The following PDK2 variants were observed in gnomAD, a reference collection of about 807,000 sequenced individuals.
PDK2 encodes the protein pyruvate dehydrogenase kinase, isozyme 2.
PDK2 carries 34 observed loss-of-function variants against 50.4 expected under a neutral mutation model. The ratio of observed to expected loss-of-function variants is 0.68; its 90% CI spans 0.51 to 0.90. The LOEUF is 0.90. Among genes scored for constraint, PDK2 ranks in the 40% least tolerant of loss-of-function variants. The pLI is 0.00. For missense variants in PDK2, 377 were observed against 544.5 expected (o/e 0.69, Z 3.06); for synonymous variants, 232 against 216.0 (o/e 1.07, Z -0.65).
At position 50,101,476 on chromosome 17, in the gene PDK2, G is replaced by A. The variant is rs1236221372; in HGVS notation, c.261-3895G>A. On this transcript the variant is annotated intron_variant, in intron 2 of 10. Transcript: ENST00000503176. This position sits in a 1 kb window ranked among gnomAD's most constrained non-coding sequence, Gnocchi z 4.2. ...TCAGAGGCTCCGGAGGCGGGACACC[G>A]CCACCTCTCCCCCAAGTGCAGCGAG... is the stretch of plus-strand genomic sequence containing the variant. 2.6e-5 allele frequency among the ~76,000 whole-genome samples: 4 copies of A among 152,100 alleles called. No homozygotes were observed. The highest frequency in any genetic ancestry group is 5.9e-5 in the Non-Finnish European group (4 of 67,994).
chr17:50,106,133 G>T (rs140747393), intron 4 of PDK2, 64 bp downstream of exon 4: 1 of 1,548,904 alleles, frequency 6.5e-7, no homozygotes, highest in Non-Finnish European at 8.7e-7. Context: ...GCCCAGGGCC[G>T]GGCTGCTGAG....
rs1910650182 is a variant in PDK2 at position 50,108,698 on chromosome 17, T to C, written c.948T>C (p.Pro316=). 1 of 1,611,938 alleles carries C rather than the reference T, an allele frequency of 6.2e-7. No individual in the cohort carries two copies. Among genetic ancestry groups the C allele is most frequent in the East Asian group, 2.2e-5 (1 of 44,838 alleles). The stretch of plus-strand genomic sequence containing the variant: ...ACTCCACAGCACCCACCCCCCAGCC[T>C]GGCACCGGGGGAACGCCGCTGGTGA... ...YMYSTAPTPQ[P]GTGGTPLAGF... is the part of the protein sequence containing the mutation. The change falls in exon 9 of 11, where the codon CCT becomes CCC. Residue 316 remains proline (P), a synonymous_variant. Coordinates refer to ENST00000503176, the MANE Select transcript of PDK2 (RefSeq NM_002611.5).
In PDK2 at chr17:50,101,713, C is replaced by T. The variant is rs1910240933; in HGVS notation, c.261-3658C>T. On this transcript the variant is annotated intron_variant, in intron 2 of 10. Coordinates refer to ENST00000503176, the MANE Select transcript of PDK2 (RefSeq NM_002611.5). This position sits in a 1 kb window ranked among gnomAD's most constrained non-coding sequence, Gnocchi z 4.2. ...ACTCACTCACCCTCTCCTCCCGCCCCCACCGCCCATTATCAGCCCCACACT... is the reference window on the plus strand; with the variant it reads ...ACTCACTCACCCTCTCCTCCCGCCCTCACCGCCCATTATCAGCCCCACACT... 1 of 152,454 alleles carries T rather than the reference C, an allele frequency of 6.6e-6. No homozygotes were observed. The highest frequency in any genetic ancestry group is 2.4e-5 in the African/African-American group (1 of 41,450). The allele number at this position is 152,454 out of a possible 1,614,324, so 9.4% of individuals were successfully genotyped here. A position where few individuals can be genotyped will look rare whatever the true frequency, so the allele number is the denominator to read the frequency against.
At chr17:50,098,699 A>G (rs532345073) in intron 2 of PDK2, 4 of 152,134 alleles carry the variant, frequency 2.6e-5, no homozygotes, top group African/African-American at 9.6e-5. Flanking sequence ...CTATGCATGG[A>G]CCTGTGGATA....
At chr17:50,099,589 C>G (rs986144183) in intron 2 of PDK2, among the ~76,000 whole-genome samples, 14 of 152,052 alleles carry the variant, frequency 9.2e-5, no homozygotes, top group African/African-American at 3.4e-4. Flanking sequence ...GTCAGGAGAT[C>G]GAGACCATCC....
At chr17:50,103,384 G>A (rs188932372) in intron 2 of PDK2, among the ~76,000 whole-genome samples, 55 of 152,320 alleles carry the variant, frequency 3.6e-4, no homozygotes, top group Middle Eastern at 3.4e-3. Flanking sequence ...CCTACAAGCA[G>A]TGGGAGAGTA....
intron 2 of PDK2, among the ~76,000 whole-genome samples, chr17:50,103,121 A>C (rs1910320943): frequency 6.6e-6 from 1 of 152,176 alleles, no homozygotes; most frequent in African/African-American, 2.4e-5. Context: ...GAGACAGGTG[A>C]GGTCTTAGGA....
At chr17:50,105,067 CTG>C (rs1268240910) in intron 2 of PDK2, among the ~76,000 whole-genome samples, 1 of 152,222 alleles carries the variant, frequency 6.6e-6, no homozygotes, top group Non-Finnish European at 1.5e-5. Context: ...GTCTCCTGAT[CTG>C]TGAGTCCTCT....
chr17:50,108,750 C>T (rs1598215962), intron 9 of PDK2, 31 bp downstream of exon 9: 1 of 1,302,680 alleles, frequency 7.7e-7, no homozygotes, highest in Non-Finnish European at 1.1e-6. Context: ...CCCCTCCCAC[C>T]TCCTGAGGGA....
At chr17:50,095,172 A>T (rs780543923), upstream of PDK2, 4 of 421,600 alleles carry the variant, frequency 9.5e-6, no homozygotes, top group Non-Finnish European at 1.7e-5. Flanking sequence ...CCCCAAAACA[A>T]CAGGCCGCCC....
At chr17:50,095,606 G>A in intron 1 of PDK2, 53 bp downstream of exon 1, 4 of 1,511,364 alleles carry the variant, frequency 2.6e-6, no homozygotes, top group Non-Finnish European at 3.6e-6. Flanking sequence ...GGCGCTGGGA[G>A]GGGCAGCCGG....
Position 50,109,810 on chromosome 17 carries a change from G to A in PDK2, c.1084-147G>A, listed in dbSNP as rs542325494. ...GAGCTGCTTGCTTGAATGGGCAGGA[G>A]CGGGACACAGGAGGGACCACCCTTT... On this transcript the variant is annotated intron_variant, in intron 10 of 10. Coordinates refer to ENST00000503176, the MANE Select transcript of PDK2 (RefSeq NM_002611.5). The surrounding 1 kb of genome is among the most constrained non-coding windows in gnomAD (Gnocchi z 5.0). 14 of 843,568 alleles carry A rather than the reference G, an allele frequency of 1.7e-5. No homozygotes were observed. The South Asian group carries it at 2.7e-4, about 16-fold the overall frequency. The allele number at this position is 843,568 out of a possible 1,614,324, so 52.3% of individuals were successfully genotyped here.
chr17:50,101,380 C>T lies in PDK2; in HGVS notation c.260+3816C>T, dbSNP rs1010394419. ...GCTTACTCCCATGAACCCCATTTTG[C>T]AAATGGGGACCCGAGGGACTCGGTG... On this transcript the variant is annotated intron_variant, in intron 2 of 10. Coordinates refer to ENST00000503176, the MANE Select transcript of PDK2 (RefSeq NM_002611.5). The surrounding 1 kb of genome is among the most constrained non-coding windows in gnomAD (Gnocchi z 4.2). 6.6e-6 allele frequency among the ~76,000 whole-genome samples: 1 copy of T among 152,152 alleles called. No homozygotes were observed. The highest frequency in any genetic ancestry group is 2.4e-5 in the African/African-American group (1 of 41,424).
intron 1 of PDK2, 90 bp from the exon 2 acceptor site, chr17:50,097,331 CCT>C (rs1598206938): frequency 8.2e-6 from 11 of 1,346,004 alleles, no homozygotes; most frequent in Non-Finnish European, 1.1e-5. Context: ...CTCTGAGCCC[CCT>C]GTTAATGAAG....
rs1279145730 is a variant in PDK2 at position 50,108,662 on chromosome 17, C to T, written c.912C>T (p.Phe304=). The T allele has an allele frequency of 3.7e-6, 6 of 1,613,284 alleles. No homozygotes were observed. The highest frequency in any genetic ancestry group is 5.1e-6 in the Non-Finnish European group (6 of 1,179,768). The change falls in exon 9 of 11, where the codon TTC becomes TTT. Residue 304 remains phenylalanine, a synonymous_variant. Transcript: ENST00000503176. ...CCTTGAGGAAGATTGAGCGACTCTTCAGCTACATGTACTCCACAGCACCCA... is the reference window on the plus strand; with the variant it reads ...CCTTGAGGAAGATTGAGCGACTCTTTAGCTACATGTACTCCACAGCACCCA... ...GVPLRKIERL[F]SYMYSTAPTP... is the part of the protein sequence containing the mutation.
chr17:50,095,044 G>C (rs910271346), upstream of PDK2: 3 of 195,638 alleles, frequency 1.5e-5, no homozygotes, highest in Admixed American at 1.8e-4. Flanking sequence ...AAAGGCAGGC[G>C]TGGAAGAGGA....
chr17:50,103,282 G>A (rs1910328833), intron 2 of PDK2, among the ~76,000 whole-genome samples: 1 of 152,180 alleles, frequency 6.6e-6, no homozygotes, highest in Non-Finnish European at 1.5e-5. Flanking sequence ...GGGAGGGGTG[G>A]GCGGTGAGCT....
chr17:50,096,064 G>A, intron 1 of PDK2: 1 of 960,308 alleles, frequency 1.0e-6, no homozygotes, highest in African/African-American at 1.8e-5. Context: ...GGGGCAGTTG[G>A]GGAAGGGGGC....
rs1910829032 is a variant in PDK2 at position 50,111,354 on chromosome 17, A to G, written c.*1257A>G. Reference sequence around the variant, plus strand: ...TAAGGATTTATTGAAATAAATTGAGAACTGCCTCCCCTTCACATGCAGGTG... The same window carrying G: ...TAAGGATTTATTGAAATAAATTGAGGACTGCCTCCCCTTCACATGCAGGTG... On this transcript the variant is annotated 3_prime_UTR_variant, in exon 11 of 11. Coordinates refer to ENST00000503176, the MANE Select transcript of PDK2 (RefSeq NM_002611.5). 6.6e-6 allele frequency: 1 copy of G among 152,266 alleles called. No individual in the cohort carries two copies. The highest frequency in any genetic ancestry group is 2.4e-5 in the African/African-American group (1 of 41,458). The allele number at this position is 152,266 out of a possible 1,614,324, so 9.4% of individuals were successfully genotyped here.
Sources: allele counts gnomAD v4.1 joint callset (sites outside exome capture counted in the v4.1 genomes callset), GRCh38; gene constraint gnomAD v4.1.1; non-coding constraint Gnocchi (gnomAD v3.1); transcripts MANE v1.5; gene names NCBI Gene and HGNC (gene_info 2026-07-23, HGNC 2026-07-21).